CPNE9: variants seen among roughly 807,000 people sequenced by gnomAD.
The protein encoded by CPNE9 is copine-9.
CPNE9 carries 59 observed loss-of-function variants against 83.0 expected under a neutral mutation model. The ratio of observed to expected loss-of-function variants is 0.71; its 90% CI spans 0.58 to 0.88. CPNE9 has a LOEUF of 0.88. Ranked by LOEUF, CPNE9 falls within the 40% of genes least tolerant of loss-of-function variation. The pLI, the probability that CPNE9 is intolerant of heterozygous loss-of-function variation, is 0.00. For missense variants in CPNE9, 619 were observed against 720.8 expected, an observed-to-expected ratio of 0.86 and a Z score of 1.62; for synonymous variants, 256 against 273.4, an observed-to-expected ratio of 0.94 and a Z score of 0.63.
chr3:9,726,113 A>C, intron 18 of CPNE9, 62 bp downstream of exon 18: 1 of 1,035,842 alleles, frequency 9.7e-7, no homozygotes. Context: ...AGGGGCTGAG[A>C]TTTTATCCTA....
intron 10 of CPNE9, among the ~76,000 whole-genome samples, chr3:9,713,901 C>G (rs950478215): frequency 3.9e-5 from 6 of 151,996 alleles, no homozygotes; most frequent in Admixed American, 6.6e-5. Context: ...GAAACCCCAT[C>G]TCTACTAAAA....
chr3:9,715,605 G>C (rs2076675627), intron 13 of CPNE9, 79 bp downstream of exon 13: 2 of 1,246,084 alleles, frequency 1.6e-6, no homozygotes, highest in African/African-American at 1.5e-5. Flanking sequence ...CAAATATCGA[G>C]GGCAGGGCAA....
At chr3:9,709,545 T>G (rs2076603171) in intron 7 of CPNE9, among the ~76,000 whole-genome samples, 1 of 151,330 alleles carries the variant, frequency 6.6e-6, no homozygotes, top group African/African-American at 2.4e-5. Flanking sequence ...ATTTTTGTAG[T>G]TTTTAGTAGA....
intron 14 of CPNE9, 66 bp downstream of exon 14, chr3:9,716,101 G>T (rs1270154168): frequency 7.0e-7 from 1 of 1,430,642 alleles, no homozygotes; most frequent in African/African-American, 1.4e-5. Context: ...CTGAGCCCCA[G>T]GTTTCTTATT....
chr3:9,717,984 G>T, intron 15 of CPNE9, 45 bp from the exon 16 acceptor site: 1 of 1,509,438 alleles, frequency 6.6e-7, no homozygotes, highest in Non-Finnish European at 9.0e-7. Flanking sequence ...TGAACAGATG[G>T]ATGATCCAGA....
chr3:9,714,142 A>T (rs1489497282), intron 10 of CPNE9, among the ~76,000 whole-genome samples: 1 of 152,206 alleles, frequency 6.6e-6, no homozygotes, highest in Non-Finnish European at 1.5e-5. Context: ...GGATGGGCAC[A>T]TAGATGAGTA....
At position 9,726,651 on chromosome 3, in the gene CPNE9, T is replaced by G. The variant is rs924340444; in HGVS notation, c.1345-14T>G. On this transcript the variant is annotated splice_polypyrimidine_tract_variant and intron_variant, in intron 18 of 20. Coordinates refer to ENST00000383832, the MANE Select transcript of CPNE9 (RefSeq NM_153635.3). The stretch of plus-strand genomic sequence containing the variant: ...GCCTGCTTGCCCCAACAGTTCACCC[T>G]CTTTCCCCTACAGGCCTCCTCATTG... 16 of 1,611,194 alleles carry G rather than the reference T, an allele frequency of 9.9e-6. No individual in the cohort carries two copies. Among genetic ancestry groups the G allele is most frequent in the Middle Eastern group, 1.6e-4 (1 of 6,078 alleles).
intron 12 of CPNE9, 41 bp from the exon 13 acceptor site, chr3:9,715,432 T>C: frequency 1.1e-5 from 18 of 1,612,476 alleles, no homozygotes; most frequent in Non-Finnish European, 1.5e-5. Context: ...TGGACCTCCC[T>C]TCCTTTGTTT....
At chr3:9,719,996 A>T (rs947650615) in intron 17 of CPNE9, among the ~76,000 whole-genome samples, 16 of 150,348 alleles carry the variant, frequency 1.1e-4, no homozygotes, top group East Asian at 5.8e-4. Context: ...GTCTCAAAAA[A>T]ATATATATAT....
rs1291027857 is a variant in CPNE9 at position 9,704,623 on chromosome 3, C to T, written c.105C>T (p.Asp35=). 6.2e-7 allele frequency: 1 copy of T among 1,613,780 alleles called. No homozygotes were observed. Among genetic ancestry groups the T allele is most frequent in the Non-Finnish European group, 8.5e-7 (1 of 1,179,774 alleles). ...LLDLDTFSKS[D]PMVVLYTQSR... Reference sequence around the variant, plus strand: ...ACCTTGATACCTTCTCCAAGTCCGACCCCAGTAGGCGGCTCCAGGACCGGG... The same window carrying T: ...ACCTTGATACCTTCTCCAAGTCCGATCCCAGTAGGCGGCTCCAGGACCGGG... The change falls in exon 2 of 21, where the codon GAC becomes GAT. Residue 35 remains aspartate (D), a synonymous_variant. Coordinates refer to ENST00000383832, the MANE Select transcript of CPNE9 (RefSeq NM_153635.3). The surrounding 1 kb of genome is among the most constrained non-coding windows in gnomAD (Gnocchi z 7.1).
At chr3:9,722,069 C>A (rs183108361) in intron 17 of CPNE9, among the ~76,000 whole-genome samples, 80 of 152,126 alleles carry the variant, frequency 5.3e-4, no homozygotes, top group African/African-American at 1.8e-3. Context: ...AGGTGCGCAC[C>A]ACCATGCCCG....
In CPNE9 at chr3:9,704,901, C is replaced by T. The variant is rs2076545511; in HGVS notation, c.167C>T (p.Thr56Ile). The T allele has an allele frequency of 6.2e-7, 1 of 1,613,214 alleles. No homozygotes were observed. Among genetic ancestry groups the T allele is most frequent in the Non-Finnish European group, 8.5e-7 (1 of 1,179,774 alleles). Residue 56 changes from threonine to isoleucine, a missense_variant, in exon 4 of 21, where the codon ACC becomes ATC. Thr to Ile is a moderately conservative substitution (Grantham distance 89). Transcript: ENST00000383832. This position sits in a 1 kb window ranked among gnomAD's most constrained non-coding sequence, Gnocchi z 7.1. Reference protein sequence around the residue: ...ASQEWREFGRTEVIDNTLNPD... With the variant: ...ASQEWREFGRIEVIDNTLNPD... ...CACCCCCCTACCCAGTTCGGACGGA[C>T]CGAGGTGATTGATAACACGCTGAAC...
intron 7 of CPNE9, among the ~76,000 whole-genome samples, chr3:9,706,645 T>C (rs1489242025): frequency 1.3e-5 from 2 of 152,170 alleles, no homozygotes; most frequent in African/African-American, 4.8e-5. Flanking sequence ...CATAATAGAT[T>C]AGACAATATT....
At chr3:9,712,915 G>A (rs2076643884) in intron 9 of CPNE9, 60 bp from the exon 10 acceptor site, 3 of 1,569,452 alleles carry the variant, frequency 1.9e-6, no homozygotes, top group Non-Finnish European at 2.6e-6. Context: ...GAGAGCATCT[G>A]GATTCAGTCC....
chr3:9,717,953 A>G (rs1265075379), intron 15 of CPNE9, 76 bp from the exon 16 acceptor site: 3 of 1,273,616 alleles, frequency 2.4e-6, no homozygotes, highest in African/African-American at 1.5e-5. Context: ...AGGTGGATGA[A>G]TGCACACAAA....
Position 9,704,526 on chromosome 3 carries a change from C to T in CPNE9, c.69-61C>T. 7.0e-7 allele frequency: 1 copy of T among 1,436,640 alleles called. No homozygotes were observed. The highest frequency in any genetic ancestry group is 9.8e-7 in the Non-Finnish European group (1 of 1,018,150). The allele number at this position is 1,436,640 out of a possible 1,614,324, so 89.0% of individuals were successfully genotyped here. ...CCTCTCCTCAGTGCCCGGCTCAGAG[C>T]CGACTCGAGGCGGGCGGACTCCAGG... On this transcript the variant is annotated intron_variant, in intron 1 of 20. Coordinates refer to ENST00000383832, the MANE Select transcript of CPNE9 (RefSeq NM_153635.3). The surrounding 1 kb of genome is among the most constrained non-coding windows in gnomAD (Gnocchi z 7.1).
At chr3:9,715,411 T>C in intron 12 of CPNE9, 47 bp downstream of exon 12, 1 of 1,611,754 alleles carries the variant, frequency 6.2e-7, no homozygotes, top group Non-Finnish European at 8.5e-7. Flanking sequence ...TCCATCCCAG[T>C]GTGCTCAGTC....
rs754160105 is a variant in CPNE9 at position 9,718,217 on chromosome 3, T to C, written c.1113+7T>C. ...CTCCCACCAGTTCCCCCTGGTATGGTATTGGCCAGAGCTTACCCTCCGTGC... is the reference window on the plus strand; with the variant it reads ...CTCCCACCAGTTCCCCCTGGTATGGCATTGGCCAGAGCTTACCCTCCGTGC... On this transcript the variant is annotated splice_region_variant and intron_variant, in intron 16 of 20. Coordinates refer to ENST00000383832, the MANE Select transcript of CPNE9 (RefSeq NM_153635.3). The C allele has an allele frequency of 6.2e-7, 1 of 1,605,572 alleles. No homozygotes were observed. The highest frequency in any genetic ancestry group is 1.7e-5 in the Admixed American group (1 of 59,272).
intron 10 of CPNE9, among the ~76,000 whole-genome samples, chr3:9,713,774 A>G (rs2125465905): frequency 6.6e-6 from 1 of 152,224 alleles, no homozygotes; most frequent in East Asian, 1.9e-4. Flanking sequence ...TGGGTAGTAT[A>G]AAGACAGATG....
Sources: allele counts gnomAD v4.1 joint callset (sites outside exome capture counted in the v4.1 genomes callset), GRCh38; gene constraint gnomAD v4.1.1; non-coding constraint Gnocchi (gnomAD v3.1); transcripts MANE v1.5; gene names NCBI Gene and HGNC (gene_info 2026-07-23, HGNC 2026-07-21).